Variants in IGSF10 observed in about 807,000 individuals in gnomAD.
The protein encoded by IGSF10 is calvaria mechanical force protein 608.
IGSF10 carries 126 observed loss-of-function variants against 128.2 expected under a neutral mutation model. The ratio of observed to expected loss-of-function variants is 0.98; its 90% CI spans 0.85 to 1.14. The LOEUF (loss-of-function observed/expected upper bound fraction) is 1.14. IGSF10 is among the 50% of genes most tolerant of loss of function. The probability of loss-of-function intolerance (pLI) is 0.00; values close to 1 mark genes in which losing one functional copy is unlikely to be tolerated. For missense variants in IGSF10, 3,295 were observed against 3,149.8 expected (o/e 1.05, Z -1.10); for synonymous variants, 1,185 against 1,146.2 (o/e 1.03, Z -0.68).
chr3:151,497,192 T>A, the IGSF10 span, among the ~76,000 whole-genome samples: 4 of 152,228 alleles, frequency 2.6e-5, no homozygotes, highest in South Asian at 2.1e-4. Context: ...AGATCCCATT[T>A]GTCAATTTTG....
At chr3:151,461,338 G>A (rs1722053474), upstream of IGSF10, 6 of 985,210 alleles carry the variant, frequency 6.1e-6, no homozygotes, top group Admixed American at 6.2e-5. Flanking sequence ...TTTGGTTTAA[G>A]GGTTTACGTA....
chr3:151,551,298 C>T, the IGSF10 span, among the ~76,000 whole-genome samples: 2 of 152,072 alleles, frequency 1.3e-5, no homozygotes, highest in Non-Finnish European at 2.9e-5. Flanking sequence ...AACTTATAGT[C>T]ATCCCTCAAT....
chr3:151,467,169 A>G, the IGSF10 span, among the ~76,000 whole-genome samples: 304 of 152,312 alleles, frequency 2.0e-3, 1 homozygote, highest in Non-Finnish European at 3.5e-3. Flanking sequence ...GACTGAACTA[A>G]CTTCGACTGT....
At chr3:151,527,683 C>T in the IGSF10 span, among the ~76,000 whole-genome samples, 1 of 152,142 alleles carries the variant, frequency 6.6e-6, no homozygotes, top group Non-Finnish European at 1.5e-5. Flanking sequence ...GGTGTAGTGG[C>T]TCATGCCTAT....
At chr3:151,500,430 T>C in the IGSF10 span, among the ~76,000 whole-genome samples, 10 of 152,284 alleles carry the variant, frequency 6.6e-5, no homozygotes, top group African/African-American at 2.2e-4. Context: ...CTTAATTTTA[T>C]TTTGGGGCAG....
chr3:151,605,167 A>T, the IGSF10 span, among the ~76,000 whole-genome samples: 1 of 152,218 alleles, frequency 6.6e-6, no homozygotes, highest in East Asian at 1.9e-4. Context: ...ATTTGACCTC[A>T]GTTGGGAATG....
chr3:151,537,934 G>A, the IGSF10 span, among the ~76,000 whole-genome samples: 1 of 152,094 alleles, frequency 6.6e-6, no homozygotes, highest in Non-Finnish European at 1.5e-5. Flanking sequence ...ATGTAGTTTA[G>A]CTAGGCCAAA....
the IGSF10 span, among the ~76,000 whole-genome samples, chr3:151,600,972 T>C: frequency 6.6e-6 from 1 of 151,944 alleles, no homozygotes; most frequent in African/African-American, 2.4e-5. Flanking sequence ...AATAAAACAA[T>C]TCTTGAAAGT....
At chr3:151,572,458 T>C in the IGSF10 span, among the ~76,000 whole-genome samples, 2 of 152,192 alleles carry the variant, frequency 1.3e-5, no homozygotes, top group African/African-American at 4.8e-5. Flanking sequence ...GGAAGGTGTA[T>C]GTGTCCAGGA....
the IGSF10 span, among the ~76,000 whole-genome samples, chr3:151,491,363 G>A: frequency 6.6e-6 from 1 of 152,034 alleles, no homozygotes; most frequent in South Asian, 2.1e-4. Flanking sequence ...GATTACTTGA[G>A]GTCAGGAGGT....
chr3:151,555,164 C>A, the IGSF10 span, among the ~76,000 whole-genome samples: 5 of 152,186 alleles, frequency 3.3e-5, no homozygotes, highest in South Asian at 1.0e-3. Context: ...AGTGACAAAA[C>A]GTGTAAAACT....
chr3:151,443,770 G>T lies in IGSF10; in HGVS notation c.5177C>A (p.Ser1726Tyr), dbSNP rs754265367. The change falls in exon 7 of 8, where the codon TCC becomes TAC. Residue 1726 changes from serine to tyrosine, a missense_variant. Ser to Tyr is a moderately radical substitution (Grantham distance 144). Coordinates refer to ENST00000282466, the MANE Select transcript of IGSF10 (RefSeq NM_178822.5). ...QDRGQYLCSA[S>Y]NLFGTDHLHV... ...AAGGTGGTCTGTGCCAAACAGATTG[G>T]ATGCGGAACACAAGTACTGTCCGCG... 10 of 1,614,012 alleles carry T rather than the reference G, an allele frequency of 6.2e-6. No homozygotes were observed. In the South Asian group the frequency reaches 9.9e-5, roughly 16 times the overall value.
chr3:151,482,924 C>T, the IGSF10 span, among the ~76,000 whole-genome samples: 1 of 151,452 alleles, frequency 6.6e-6, no homozygotes, highest in Non-Finnish European at 1.5e-5. Flanking sequence ...TTTTTAAAGC[C>T]CTGCTGGCCA....
chr3:151,525,031 TTTTTTTTTTTTTTA>T, the IGSF10 span, among the ~76,000 whole-genome samples: 2 of 18,904 alleles, frequency 1.1e-4, no homozygotes, highest in Non-Finnish European at 2.0e-4. Context: ...TTTTTTTTTT[TTTTTTTTTTTTTTA>T]AAGAGAGCCT....
the IGSF10 span, among the ~76,000 whole-genome samples, chr3:151,616,191 C>T: frequency 4.6e-3 from 698 of 151,762 alleles, 10 homozygotes; most frequent in Middle Eastern, 0.055. Flanking sequence ...CTCGAACTCC[C>T]GACCTCAGGA....
At chr3:151,521,254 C>T in the IGSF10 span, among the ~76,000 whole-genome samples, 1 of 151,920 alleles carries the variant, frequency 6.6e-6, no homozygotes, top group African/African-American at 2.4e-5. Flanking sequence ...GAGACATAGA[C>T]TCCCATACAG....
Position 151,437,355 on chromosome 3 carries a change from A to C in IGSF10, c.7206T>G (p.Thr2402=), listed in dbSNP as rs750263643. 8.1e-6 allele frequency: 13 copies of C among 1,614,014 alleles called. No homozygotes were observed. The highest frequency in any genetic ancestry group is 5.5e-5 in the South Asian group (5 of 91,084). ...AGCGATATTTTCCTGCATCCTCCCGAGTTGTTTTAGAAATGATAAAAGAAC... is the reference window on the plus strand; with the variant it reads ...AGCGATATTTTCCTGCATCCTCCCGCGTTGTTTTAGAAATGATAAAAGAAC... ...SNGSFIISKT[T]REDAGKYRCA... Residue 2402 remains threonine (T), a synonymous_variant, in exon 8 of 8, where the codon ACT becomes ACG. Transcript: ENST00000282466.
At chr3:151,614,698 C>T in the IGSF10 span, among the ~76,000 whole-genome samples, 5 of 152,178 alleles carry the variant, frequency 3.3e-5, no homozygotes, top group Admixed American at 1.3e-4. Flanking sequence ...GGAGGGATAG[C>T]ATTAGGCGAC....
In IGSF10 at chr3:151,437,595, G is replaced by T. The variant is rs41401648; in HGVS notation, c.6966C>A (p.Ser2322Arg). ...GTACTTCTAACTGTACTACCAACAC[G>T]CTCTCTCCACCTTCATTTCGGGCCA... ...ICVARNEGGE[S>R]VLVVQLEVLE... The change falls in exon 8 of 8, where the codon AGC becomes AGA. Residue 2322 changes from serine (S) to arginine (R), a missense_variant. By Grantham distance (110) the Ser-to-Arg change is moderately radical. Transcript: ENST00000282466. 3.1e-6 allele frequency: 5 copies of T among 1,613,886 alleles called. No homozygotes were observed. In the African/African-American group the frequency reaches 5.3e-5, roughly 17 times the overall value.
Sources: allele counts gnomAD v4.1 joint callset (sites outside exome capture counted in the v4.1 genomes callset), GRCh38; gene constraint gnomAD v4.1.1; transcripts MANE v1.5; gene names NCBI Gene and HGNC (gene_info 2026-07-23, HGNC 2026-07-21).